The following TOM1L1 variants were observed in gnomAD, a reference collection of about 807,000 sequenced individuals.
The protein encoded by TOM1L1 is TOM1-like protein 1.
Under a neutral mutation model 63.4 loss-of-function variants are expected in TOM1L1, and 64 were observed. The ratio of observed to expected loss-of-function variants is 1.01; its 90% CI spans 0.83 to 1.24. The LOEUF (loss-of-function observed/expected upper bound fraction) is 1.24. TOM1L1 is among the 50% of genes most tolerant of loss of function. The pLI is 0.00. For missense variants in TOM1L1, 536 were observed against 567.0 expected (o/e 0.95, Z 0.55); for synonymous variants, 166 against 194.4 (o/e 0.85, Z 1.22).
chr17:54,939,576 A>C (rs2049004076), intron 11 of TOM1L1, among the ~76,000 whole-genome samples: 1 of 152,064 alleles, frequency 6.6e-6, no homozygotes, highest in Non-Finnish European at 1.5e-5. Context: ...CAGCGATGTT[A>C]GGTCAGGGTC....
At chr17:54,942,034 G>A (rs1205240517) in intron 11 of TOM1L1, among the ~76,000 whole-genome samples, 4 of 152,152 alleles carry the variant, frequency 2.6e-5, no homozygotes, top group Admixed American at 6.6e-5. Flanking sequence ...AAAAGTGGGT[G>A]ATGCAGTTTT....
intron 14 of TOM1L1, among the ~76,000 whole-genome samples, chr17:54,958,812 G>A (rs999813796): frequency 1.3e-5 from 2 of 151,068 alleles, no homozygotes; most frequent in African/African-American, 4.9e-5. Flanking sequence ...ATTAAAGGCT[G>A]TACTTTGTAT....
intron 14 of TOM1L1, among the ~76,000 whole-genome samples, chr17:54,958,751 GGTT>G (rs2077026382): frequency 1.2e-5 from 1 of 84,864 alleles, no homozygotes; most frequent in African/African-American, 3.9e-5. Flanking sequence ...AAAAAAAAGG[GGTT>G]GTTGGTAGCT....
In TOM1L1 at chr17:54,914,629, A is replaced by G. The variant is rs966153825; in HGVS notation, c.499-10A>G. 1.9e-6 allele frequency: 3 copies of G among 1,604,654 alleles called. No homozygotes were observed. The highest frequency in any genetic ancestry group is 1.1e-5 in the South Asian group (1 of 90,830). On this transcript the variant is annotated splice_polypyrimidine_tract_variant and intron_variant, in intron 5 of 15. Coordinates refer to ENST00000575882, the MANE Select transcript of TOM1L1 (RefSeq NM_005486.3). ...TCACATAATAATATTACCATGTTTC[A>G]TACTCATAGACTGCTCAAATCTCAT...
At chr17:54,957,429 T>A (rs913751900) in intron 14 of TOM1L1, 6 of 152,210 alleles carry the variant, frequency 3.9e-5, no homozygotes, top group African/African-American at 1.4e-4. Context: ...TTTTAATCAG[T>A]TTCTCCATCC....
intron 14 of TOM1L1, among the ~76,000 whole-genome samples, chr17:54,956,609 TTTTAA>T (rs577480833): frequency 9.0e-4 from 137 of 151,984 alleles, no homozygotes; most frequent in Non-Finnish European, 1.7e-3. Context: ...GTGCCTAGCC[TTTTAA>T]TTTTTTTCTT....
At chr17:54,947,212 T>C (rs1183782947) in intron 11 of TOM1L1, 49 bp from the exon 12 acceptor site, 16 of 1,583,836 alleles carry the variant, frequency 1.0e-5, no homozygotes, top group Non-Finnish European at 1.4e-5. Context: ...CTTTTTGCAT[T>C]TGTGTTCTCA....
chr17:54,943,173 C>T (rs920990295), intron 11 of TOM1L1, among the ~76,000 whole-genome samples: 6 of 152,082 alleles, frequency 3.9e-5, no homozygotes, highest in African/African-American at 7.2e-5. Flanking sequence ...TTACTTGTAA[C>T]TTAACTGTAC....
At chr17:54,905,706 A>C (rs2048397985) in intron 3 of TOM1L1, 139 bp downstream of exon 3, 8 of 558,436 alleles carry the variant, frequency 1.4e-5, no homozygotes, top group Non-Finnish European at 2.2e-5. Context: ...GTATGACTTA[A>C]AACTCTTCAT....
chr17:54,901,035 A>T, intron 1 of TOM1L1, 112 bp downstream of exon 1: 1 of 1,432,906 alleles, frequency 7.0e-7, no homozygotes, highest in Non-Finnish European at 9.5e-7. Flanking sequence ...TGAAAAAATT[A>T]TTCCCCTCCC....
intron 14 of TOM1L1, among the ~76,000 whole-genome samples, chr17:54,951,325 G>T (rs1402766618): frequency 6.6e-6 from 1 of 152,198 alleles, no homozygotes; most frequent in African/African-American, 2.4e-5. Context: ...ACCTCCACGT[G>T]TTCAGCTATC....
At chr17:54,949,044 T>A (rs1051841105) in intron 12 of TOM1L1, among the ~76,000 whole-genome samples, 12 of 152,142 alleles carry the variant, frequency 7.9e-5, no homozygotes, top group Non-Finnish European at 1.6e-4. Context: ...AGTAAATTCT[T>A]GTTTTTGAGA....
chr17:54,931,302 C>G (rs2048854674), intron 8 of TOM1L1, among the ~76,000 whole-genome samples: 1 of 151,648 alleles, frequency 6.6e-6, no homozygotes, highest in Admixed American at 6.6e-5. Context: ...ATAATAATAC[C>G]TTTTTAGAGG....
intron 11 of TOM1L1, among the ~76,000 whole-genome samples, chr17:54,939,677 C>T (rs1338171175): frequency 6.6e-6 from 1 of 152,130 alleles, no homozygotes; most frequent in Admixed American, 6.6e-5. Flanking sequence ...CCCACCTCAA[C>T]CTCTTAATAG....
intron 7 of TOM1L1, chr17:54,917,475 T>C: frequency 6.6e-6 from 1 of 152,322 alleles, no homozygotes; most frequent in Middle Eastern, 3.4e-3. Flanking sequence ...ACATATTTAC[T>C]ATATACAAAT....
intron 7 of TOM1L1, 74 bp downstream of exon 7, chr17:54,915,936 G>T: frequency 9.2e-7 from 1 of 1,090,808 alleles, no homozygotes; most frequent in Non-Finnish European, 1.4e-6. Flanking sequence ...GTTTGGAGAT[G>T]GAAGACACCT....
chr17:54,929,201 T>G (rs1397438037), intron 7 of TOM1L1, among the ~76,000 whole-genome samples: 1 of 152,114 alleles, frequency 6.6e-6, no homozygotes, highest in East Asian at 1.9e-4. Flanking sequence ...GTACCTTGGG[T>G]TAATCGAAGG....
In TOM1L1 at chr17:54,937,226, A is replaced by C. The variant is rs140689063; in HGVS notation, c.1033A>C (p.Asn345His). Reference protein sequence around the residue: ...NTMNNQLSGLNFSLPSSDVTN... With the variant: ...NTMNNQLSGLHFSLPSSDVTN... ...CATGAATAATCAACTTTCAGGCTTA[A>C]GTAAATAAACACTCAGGTCTTTTCA... is the stretch of plus-strand genomic sequence containing the variant. Residue 345 changes from asparagine to histidine, a missense_variant and splice_region_variant, in exon 10 of 16, where the codon AAT (asparagine) becomes CAT (histidine). Physicochemically the swap from Asn to His is moderately conservative, Grantham distance 68. Transcript: ENST00000575882. 1.3e-4 allele frequency: 210 copies of C among 1,604,748 alleles called. No homozygotes were observed. The highest frequency in any genetic ancestry group is 1.8e-4 in the Non-Finnish European group (206 of 1,171,732).
intron 3 of TOM1L1, among the ~76,000 whole-genome samples, chr17:54,907,053 A>T (rs559687488): frequency 6.6e-6 from 1 of 152,386 alleles, no homozygotes; most frequent in South Asian, 2.1e-4. Context: ...GGCTCGCTGA[A>T]TAAGCAGAAA....
Sources: gnomAD v4.1 joint callset for allele counts (sites outside exome capture counted in the v4.1 genomes callset) on GRCh38, gnomAD v4.1.1 for gene constraint, MANE v1.5 for transcripts, NCBI Gene and HGNC (gene_info 2026-07-23, HGNC 2026-07-21) for gene names.